The following COL4A6 variants were observed in gnomAD, a reference collection of about 807,000 sequenced individuals.
COL4A6 encodes collagen type IV alpha 6 chain, also known as collagen alpha-6(IV) chain.
A neutral mutation model predicts 126.7 loss-of-function variants in COL4A6; 59 were observed. The ratio of observed to expected loss-of-function variants is 0.47; its 90% CI spans 0.38 to 0.58. The LOEUF (loss-of-function observed/expected upper bound fraction) is 0.58, where lower values mean the gene tolerates loss of function less well. Among genes scored for constraint, COL4A6 ranks in the 20% least tolerant of loss-of-function variants. COL4A6 has a pLI of 0.00. For missense variants in COL4A6, 1,285 were observed against 1,337.3 expected, an observed-to-expected ratio of 0.96 and a Z score of 0.61; for synonymous variants, 547 against 496.6, an observed-to-expected ratio of 1.10 and a Z score of -1.35.
chrX:108,174,759 G>A (rs2034425965), intron 30 of COL4A6, 138 bp from the exon 31 acceptor site: 2 of 533,248 alleles, frequency 3.8e-6, no homozygotes, highest in Admixed American at 4.1e-5. Flanking sequence ...GAAGTGGGGA[G>A]AGATGCTTTC....
intron 44 of COL4A6, among the ~76,000 whole-genome samples, chrX:108,158,851 T>C (rs2033822969): frequency 8.9e-6 from 1 of 112,184 alleles, no homozygotes; most frequent in Non-Finnish European, 1.9e-5. Flanking sequence ...CCCCAGGTAT[T>C]CACAGGATAT....
chrX:108,332,949 CT>C (rs1210973811), intron 2 of COL4A6, among the ~76,000 whole-genome samples: 1 of 109,448 alleles, frequency 9.1e-6, no homozygotes, highest in East Asian at 2.8e-4. Flanking sequence ...GTTTTTTTTT[CT>C]AGAATTTTTA....
intron 30 of COL4A6, 22 bp from the exon 31 acceptor site, chrX:108,174,643 T>A: frequency 1.8e-6 from 2 of 1,136,555 alleles, no homozygotes; most frequent in Non-Finnish European, 2.3e-6. Flanking sequence ...ATAAAAAGAC[T>A]TGGAAAAAGA....
At chrX:108,168,488 G>A (rs758579931) in intron 37 of COL4A6, among the ~76,000 whole-genome samples, 13 of 112,213 alleles carry the variant, frequency 1.2e-4, no homozygotes, top group Non-Finnish European at 2.3e-4. Context: ...AACAAAATGC[G>A]GTGAGACCTC....
At chrX:108,321,229 G>A (rs1291180936) in intron 2 of COL4A6, among the ~76,000 whole-genome samples, 1 of 112,010 alleles carries the variant, frequency 8.9e-6, no homozygotes, top group African/African-American at 3.2e-5. Flanking sequence ...TAAAGATGAG[G>A]AAATGAAAAC....
rs376464544 is a variant in COL4A6 at position 108,187,179 on chromosome X, G to A, written c.1868C>T (p.Pro623Leu). 8.4e-7 allele frequency: 1 copy of A among 1,195,486 alleles called. No individual in the cohort carries two copies. Among genetic ancestry groups the A allele is most frequent in the Non-Finnish European group, 1.1e-6 (1 of 886,287 alleles). Reference protein sequence around the residue: ...GPPGLPGNGLPGLPGPRGLPG... With the variant: ...GPPGLPGNGLLGLPGPRGLPG... ...AAGCCCACGGGGTCCAGGAAGTCCT[G>A]GTAACCCATTTCCTGGGAGGCCAGG... The change falls in exon 23 of 45, where the codon CCA becomes CTA. Residue 623 changes from proline (P) to leucine (L), a missense_variant. By Grantham distance (98) the Pro-to-Leu change is moderately conservative. Coordinates refer to ENST00000334504, the MANE Select transcript of COL4A6 (RefSeq NM_033641.4).
intron 14 of COL4A6, 147 bp downstream of exon 14, chrX:108,196,361 GAGA>G (rs2035214285): frequency 4.0e-6 from 2 of 504,655 alleles, no homozygotes; most frequent in Admixed American, 3.0e-5. Flanking sequence ...GGGGCTAAGA[GAGA>G]AGGAGGTCTT....
chrX:108,316,760 A>G (rs1324194606), intron 2 of COL4A6, among the ~76,000 whole-genome samples: 1 of 112,424 alleles, frequency 8.9e-6, no homozygotes, highest in Non-Finnish European at 1.9e-5. Flanking sequence ...AGGAAAGAGT[A>G]TTCTAGGCAA....
At chrX:108,160,913 G>A (rs1190763260) in intron 42 of COL4A6, among the ~76,000 whole-genome samples, 2 of 112,147 alleles carry the variant, frequency 1.8e-5, no homozygotes, top group African/African-American at 6.5e-5. Context: ...ATTTTTCAAA[G>A]TACATTGTTA....
intron 2 of COL4A6, among the ~76,000 whole-genome samples, chrX:108,378,140 T>C (rs981927809): frequency 1.8e-5 from 2 of 110,483 alleles, no homozygotes; most frequent in African/African-American, 6.6e-5. Context: ...GAAATTCCAA[T>C]GCAAATATAT....
chrX:108,224,142 G>A (rs1046243291), intron 3 of COL4A6, among the ~76,000 whole-genome samples: 1 of 111,500 alleles, frequency 9.0e-6, no homozygotes, highest in Non-Finnish European at 1.9e-5. Flanking sequence ...ATCAGCAAGG[G>A]TAAGCAAGGA....
intron 3 of COL4A6, among the ~76,000 whole-genome samples, chrX:108,240,833 G>C (rs1016540096): frequency 1.8e-5 from 2 of 112,414 alleles, no homozygotes; most frequent in Admixed American, 1.9e-4. Context: ...ACAGAGGGGA[G>C]AGGAAAAACA....
intron 2 of COL4A6, among the ~76,000 whole-genome samples, chrX:108,382,104 TTA>T (rs1488670841): frequency 8.9e-6 from 1 of 112,240 alleles, no homozygotes; most frequent in Non-Finnish European, 1.9e-5. Context: ...TGCCCTCTAA[TTA>T]TTTCCAATTC....
intron 25 of COL4A6, 95 bp downstream of exon 25, chrX:108,180,420 G>T: frequency 1.3e-6 from 1 of 763,495 alleles, no homozygotes; most frequent in South Asian, 2.6e-5. Context: ...TCCTGTAATT[G>T]GCAGAGGACT....
In COL4A6 at chrX:108,164,926, G is replaced by A. The variant is rs2034077790; in HGVS notation, c.3921C>T (p.Asp1307=). 1 of 1,208,743 alleles carries A rather than the reference G, an allele frequency of 8.3e-7. No individual in the cohort carries two copies. The highest frequency in any genetic ancestry group is 1.7e-5 in the African/African-American group (1 of 57,413). Reference sequence around the variant, plus strand: ...GGCCAGAAAAACCTGGAATTCCTTGGTCTCCCTTAGGCCCTTTAGGTCCAG... The same window carrying A: ...GGCCAGAAAAACCTGGAATTCCTTGATCTCCCTTAGGCCCTTTAGGTCCAG... ...GIPGPKGPKG[D]QGIPGFSGLP... is the part of the protein sequence containing the mutation. Residue 1307 remains aspartate, a synonymous_variant, in exon 39 of 45, where the codon GAC becomes GAT. Transcript: ENST00000334504.
At chrX:108,303,261 G>C (rs951157265) in intron 3 of COL4A6, among the ~76,000 whole-genome samples, 1 of 111,015 alleles carries the variant, frequency 9.0e-6, no homozygotes, top group Non-Finnish European at 1.9e-5. Flanking sequence ...AATGAGGGAT[G>C]GAAAGCTAGA....
intron 6 of COL4A6, among the ~76,000 whole-genome samples, chrX:108,212,104 C>A (rs1005297746): frequency 1.8e-5 from 2 of 111,447 alleles, no homozygotes; most frequent in Admixed American, 1.9e-4. Flanking sequence ...CTGACAGAAC[C>A]TTTGTCTAGG....
intron 37 of COL4A6, among the ~76,000 whole-genome samples, chrX:108,167,066 T>TA (rs1201385863): frequency 8.9e-6 from 1 of 111,808 alleles, no homozygotes; most frequent in Non-Finnish European, 1.9e-5. Flanking sequence ...TAATTACACT[T>TA]ACGTGTTATT....
intron 3 of COL4A6, among the ~76,000 whole-genome samples, chrX:108,287,200 G>C (rs931403728): frequency 4.5e-5 from 5 of 112,071 alleles, no homozygotes; most frequent in Non-Finnish European, 9.4e-5. Flanking sequence ...AACACCAAAA[G>C]TTATAATAAC....
Sources: gnomAD v4.1 joint callset for allele counts (sites outside exome capture counted in the v4.1 genomes callset) on GRCh38, gnomAD v4.1.1 for gene constraint, MANE v1.5 for transcripts, NCBI Gene and HGNC (gene_info 2026-07-23, HGNC 2026-07-21) for gene names.